The following SLK variants were observed in gnomAD, a reference collection of about 807,000 sequenced individuals.
SLK encodes STE20 like kinase.
In SLK, 67 loss-of-function variants were observed where a neutral mutation model predicts 147.7. The ratio of observed to expected loss-of-function variants is 0.45; its 90% confidence interval spans 0.37 to 0.56. SLK has a LOEUF of 0.56. Ranked by LOEUF, SLK falls within the 20% of genes least tolerant of loss-of-function variation. The pLI is 0.00. For missense variants in SLK, 1,136 were observed against 1,438.8 expected, an observed-to-expected ratio of 0.79 and a Z score of 3.41; for synonymous variants, 441 against 475.0, an observed-to-expected ratio of 0.93 and a Z score of 0.93.
intron 1 of SLK, among the ~76,000 whole-genome samples, chr10:103,984,456 C>T (rs991271740): frequency 8.5e-5 from 13 of 152,150 alleles, no homozygotes; most frequent in African/African-American, 3.1e-4. Context: ...GTCTGTCAAC[C>T]ATGCTGGAGC....
At chr10:103,983,131 A>G (rs1041826353) in intron 1 of SLK, among the ~76,000 whole-genome samples, 4 of 152,214 alleles carry the variant, frequency 2.6e-5, no homozygotes, top group East Asian at 3.8e-4. Context: ...TTTATAAAAC[A>G]TAACTACCAC....
chr10:103,999,861 T>G lies in SLK; in HGVS notation c.783-6T>G, dbSNP rs764000330. 62 of 1,255,682 alleles carry G rather than the reference T, an allele frequency of 4.9e-5. No individual in the cohort carries two copies. Among genetic ancestry groups the G allele is most frequent in the Admixed American group, 1.3e-4 (7 of 52,092 alleles). 77.8% of individuals were successfully genotyped at this position (1,255,682 alleles called of 1,614,324 possible). On this transcript the variant is annotated splice_region_variant and splice_polypyrimidine_tract_variant and intron_variant, in intron 6 of 18. Coordinates refer to ENST00000369755, the MANE Select transcript of SLK (RefSeq NM_014720.4). ...AAATAGAATGTTGTTAAAATTTATTTTAAAGGTCTTCAAATTTTAAGGACT... is the reference window on the plus strand; with the variant it reads ...AAATAGAATGTTGTTAAAATTTATTGTAAAGGTCTTCAAATTTTAAGGACT...
intron 9 of SLK, among the ~76,000 whole-genome samples, 187 bp from the exon 10 acceptor site, chr10:104,005,374 G>A (rs1246013399): frequency 6.6e-6 from 1 of 152,182 alleles, no homozygotes; most frequent in Non-Finnish European, 1.5e-5. Flanking sequence ...GTCAGATGAC[G>A]TTTAAGGTGT....
chr10:104,021,586 C>A, intron 17 of SLK, 34 bp from the exon 18 acceptor site: 1 of 1,249,044 alleles, frequency 8.0e-7, no homozygotes, highest in South Asian at 1.3e-5. Flanking sequence ...CTTAGTTGAT[C>A]TGAAATTTTT....
chr10:103,977,236 A>G (rs751419639), intron 1 of SLK, among the ~76,000 whole-genome samples: 12 of 152,190 alleles, frequency 7.9e-5, no homozygotes, highest in Non-Finnish European at 1.2e-4. Flanking sequence ...TTAAATTAGA[A>G]AATAAATTTA....
intron 11 of SLK, among the ~76,000 whole-genome samples, chr10:104,007,717 G>A (rs905802133): frequency 2.2e-4 from 34 of 151,644 alleles, no homozygotes; most frequent in African/African-American, 7.5e-4. Flanking sequence ...GATTGCTTGA[G>A]CGCAGAAGTT....
intron 13 of SLK, among the ~76,000 whole-genome samples, chr10:104,013,688 C>T (rs779056738): frequency 2.0e-5 from 3 of 152,206 alleles, no homozygotes; most frequent in South Asian, 4.1e-4. Context: ...CAGTCTTCAA[C>T]GCCCAAATGC....
intron 7 of SLK, among the ~76,000 whole-genome samples, chr10:104,000,487 A>T (rs1047266800): frequency 3.4e-4 from 52 of 152,192 alleles, no homozygotes; most frequent in Non-Finnish European, 6.5e-4. Context: ...ATCTGGGGGA[A>T]TAAAGCAGGA....
intron 2 of SLK, 135 bp downstream of exon 2, chr10:103,990,974 G>A (rs1305476210): frequency 6.8e-6 from 3 of 440,462 alleles, no homozygotes; most frequent in Non-Finnish European, 1.2e-5. Flanking sequence ...AATGAGAGTT[G>A]ATCTGCTGAT....
chr10:103,972,803 A>G (rs770784598), intron 1 of SLK, among the ~76,000 whole-genome samples: 7 of 152,206 alleles, frequency 4.6e-5, no homozygotes, highest in Non-Finnish European at 1.0e-4. Flanking sequence ...ACAGATTACT[A>G]AAAGTAATTC....
At chr10:104,020,420 T>C in intron 16 of SLK, 68 bp from the exon 17 acceptor site, 1 of 1,454,722 alleles carries the variant, frequency 6.9e-7, no homozygotes, top group Non-Finnish European at 9.3e-7. Context: ...TAAATTCCTT[T>C]ATATCTTCAG....
At chr10:104,006,216 T>G (rs1844324276) in intron 11 of SLK, among the ~76,000 whole-genome samples, 181 bp downstream of exon 11, 1 of 152,192 alleles carries the variant, frequency 6.6e-6, no homozygotes. Context: ...TTTTATTGAT[T>G]TATTCTTTTT....
chr10:103,998,868 C>G (rs1844208925), intron 4 of SLK, 31 bp from the exon 5 acceptor site: 3 of 1,530,154 alleles, frequency 2.0e-6, no homozygotes, highest in Non-Finnish European at 2.7e-6. Context: ...CTTAAAAGTT[C>G]TCATTAATGC....
chr10:104,017,425 CA>C (rs2134526741), intron 13 of SLK, among the ~76,000 whole-genome samples: 1 of 152,238 alleles, frequency 6.6e-6, no homozygotes, highest in East Asian at 1.9e-4. Flanking sequence ...TTTAGTTCCC[CA>C]AATTCTGATA....
intron 4 of SLK, among the ~76,000 whole-genome samples, chr10:103,994,821 G>A (rs1202722377): frequency 6.6e-6 from 1 of 152,336 alleles, no homozygotes; most frequent in East Asian, 1.9e-4. Context: ...TACTCCTGAT[G>A]ATTGAAGTTC....
rs755237388 is a variant in SLK, at chr10:104,008,257, G to A, written c.2685G>A (p.Glu895=). 1.2e-6 allele frequency: 2 copies of A among 1,613,972 alleles called. No homozygotes were observed. Among genetic ancestry groups the A allele is most frequent in the East Asian group, 4.5e-5 (2 of 44,868 alleles). ...AGACTATCGAACGCCTGGAACAAGA[G>A]CACACAAATCGCTTGCGAGATGAAG... ...QKQTIERLEQ[E]HTNRLRDEAK... is the part of the protein sequence containing the mutation. The change falls in exon 12 of 19, where the codon GAG becomes GAA. Residue 895 remains glutamate (E), a synonymous_variant. Coordinates refer to ENST00000369755, the MANE Select transcript of SLK (RefSeq NM_014720.4).
chr10:104,018,732 T>C, intron 14 of SLK, 52 bp from the exon 15 acceptor site: 1 of 1,568,588 alleles, frequency 6.4e-7, no homozygotes, highest in Non-Finnish European at 8.6e-7. Context: ...AAGAGCAAAG[T>C]ACATTAGTAA....
intron 1 of SLK, among the ~76,000 whole-genome samples, chr10:103,970,682 A>G (rs1843781539): frequency 6.6e-6 from 1 of 152,194 alleles, no homozygotes; most frequent in South Asian, 2.1e-4. Context: ...TTTGGAAGAA[A>G]AAGCTATGGA....
rs377170080 is a variant in SLK at position 104,002,512 on chromosome 10, A to G, written c.1334A>G (p.Asn445Ser). The change falls in exon 9 of 19, where the codon AAT (asparagine) becomes AGT (serine). Residue 445 changes from asparagine to serine, a missense_variant. Transcript: ENST00000369755. ...DTEDQETVDI[N>S]SVSEGKENNI... ...GAAGACCAAGAAACTGTGGACATTA[A>G]TTCAGTCAGTGAAGGAAAAGAGAAT... The G allele has an allele frequency of 4.3e-6, 7 of 1,612,344 alleles. No homozygotes were observed. The highest frequency in any genetic ancestry group is 1.3e-5 in the African/African-American group (1 of 74,764).
Sources: gnomAD v4.1 joint callset for allele counts (sites outside exome capture counted in the v4.1 genomes callset) on GRCh38, gnomAD v4.1.1 for gene constraint, MANE v1.5 for transcripts, NCBI Gene and HGNC (gene_info 2026-07-23, HGNC 2026-07-21) for gene names.